The following MED14 variants were observed in gnomAD, a reference collection of about 807,000 sequenced individuals.
MED14 encodes the protein mediator of RNA polymerase II transcription subunit 14.
MED14 carries 8 observed loss-of-function variants against 109.0 expected under a neutral mutation model. The observed-to-expected ratio is 0.07, with a 90% CI of 0.04 to 0.13. The LOEUF (loss-of-function observed/expected upper bound fraction) is 0.13. Among genes scored for constraint, MED14 ranks in the 10% least tolerant of loss-of-function variants. The probability of loss-of-function intolerance (pLI) is 1.00; values close to 1 mark genes in which losing one functional copy is unlikely to be tolerated. For missense variants in MED14, 711 were observed against 1,142.4 expected (o/e 0.62, Z 5.44); for synonymous variants, 399 against 408.7 (o/e 0.98, Z 0.29).
intron 3 of MED14, among the ~76,000 whole-genome samples, chrX:40,721,176 G>A (rs1470076463): frequency 9.0e-6 from 1 of 111,204 alleles, no homozygotes; most frequent in African/African-American, 3.3e-5. Context: ...GTGCGGTAGA[G>A]CACCAAGCAG....
chrX:40,709,850 C>A, intron 9 of MED14, 129 bp downstream of exon 9: 1 of 402,505 alleles, frequency 2.5e-6, no homozygotes, highest in Non-Finnish European at 4.2e-6. Context: ...GTAACATTTA[C>A]TTAAAATAAG....
chrX:40,727,698 G>A (rs1931937460), intron 2 of MED14, among the ~76,000 whole-genome samples: 1 of 111,122 alleles, frequency 9.0e-6, no homozygotes, highest in East Asian at 2.8e-4. Context: ...AACAAGCCAG[G>A]ACCGATGACC....
chrX:40,705,062 C>G (rs1205349260), intron 10 of MED14, among the ~76,000 whole-genome samples: 2 of 111,509 alleles, frequency 1.8e-5, no homozygotes, highest in Non-Finnish European at 3.8e-5. Flanking sequence ...ACATGCAAAT[C>G]CAGCAGAACT....
intron 30 of MED14, among the ~76,000 whole-genome samples, chrX:40,652,976 AG>A (rs1167809491): frequency 9.1e-6 from 1 of 110,307 alleles, no homozygotes; most frequent in African/African-American, 3.3e-5. Context: ...GCCCAGTCCA[AG>A]GGGGGAAAAA....
intron 12 of MED14, among the ~76,000 whole-genome samples, chrX:40,698,033 G>A (rs1038963214): frequency 1.8e-5 from 2 of 111,456 alleles, no homozygotes; most frequent in South Asian, 3.8e-4. Context: ...ACAACTCTAC[G>A]GATCAAATGC....
At position 40,679,909 on chromosome X, in the gene MED14, A is replaced by G; in HGVS notation, c.2835T>C (p.Asp945=). 8.3e-7 allele frequency: 1 copy of G among 1,211,492 alleles called. No homozygotes were observed. The highest frequency in any genetic ancestry group is 1.1e-6 in the Non-Finnish European group (1 of 895,205). The change falls in exon 21 of 31, where the codon GAT becomes GAC. Residue 945 remains aspartate, a synonymous_variant. Transcript: ENST00000324817. ...AGAAACCTTCAACTAGTTTGCTGTT[A>G]TCAAAAAGACTATAGGCACCATCCC... ...AIRDGAYSLF[D]NSKLVEGFYP...
At chrX:40,733,913 G>C (rs774996952) in intron 1 of MED14, among the ~76,000 whole-genome samples, 3 of 111,672 alleles carry the variant, frequency 2.7e-5, no homozygotes, top group Non-Finnish European at 3.8e-5. Flanking sequence ...TCACATAAAG[G>C]GTGTGGGACT....
chrX:40,735,047 A>AC (rs1932204586), intron 1 of MED14, 151 bp downstream of exon 1: 1 of 342,580 alleles, frequency 2.9e-6, no homozygotes, highest in African/African-American at 2.8e-5. Context: ...CTTCTTCTCC[A>AC]CCTCTGCTGA....
chrX:40,721,671 C>T (rs1931722821), intron 3 of MED14, among the ~76,000 whole-genome samples: 1 of 112,189 alleles, frequency 8.9e-6, no homozygotes, highest in Non-Finnish European at 1.9e-5. Context: ...ACCAGTGTAA[C>T]CAGTGGTTAC....
intron 19 of MED14, 31 bp from the exon 20 acceptor site, chrX:40,680,941 C>T (rs1337972721): frequency 1.0e-6 from 1 of 962,316 alleles, no homozygotes; most frequent in Non-Finnish European, 1.4e-6. Context: ...GTTTCAGAAA[C>T]TGAGAAAGTA....
chrX:40,728,294 CAACATGAGT>C (rs1460336532), intron 2 of MED14, among the ~76,000 whole-genome samples: 1 of 111,458 alleles, frequency 9.0e-6, no homozygotes, highest in African/African-American at 3.3e-5. Context: ...AAGTGCTAGG[CAACATGAGT>C]CAGTTTTTCA....
At chrX:40,700,137 A>G (rs944836352) in intron 12 of MED14, among the ~76,000 whole-genome samples, 4 of 109,925 alleles carry the variant, frequency 3.6e-5, no homozygotes, top group African/African-American at 1.3e-4. Flanking sequence ...CAAGAGAGTG[A>G]GACTCTGTCT....
At chrX:40,669,776 A>G (rs924990668) in intron 23 of MED14, among the ~76,000 whole-genome samples, 1 of 111,839 alleles carries the variant, frequency 8.9e-6, no homozygotes, top group Admixed American at 9.4e-5. Flanking sequence ...CACCCTGCAC[A>G]GTCTGCCTGA....
chrX:40,714,557 G>A lies in MED14; in HGVS notation c.502C>T (p.Arg168Trp). 8.3e-7 allele frequency: 1 copy of A among 1,211,143 alleles called. No homozygotes were observed. The highest frequency in any genetic ancestry group is 1.1e-6 in the Non-Finnish European group (1 of 895,256). ...CTTACCCTAATGCAGGTTGGCAGCC[G>A]TGGGTAAGATCCAGTAGTTAGTACA... Reference protein sequence around the residue: ...IDVLTTGSYPRLPTCIRDKII... With the variant: ...IDVLTTGSYPWLPTCIRDKII... The change falls in exon 4 of 31, where the codon CGG (arginine) becomes TGG (tryptophan). Residue 168 changes from arginine (R) to tryptophan (W), a missense_variant. Coordinates refer to ENST00000324817, the MANE Select transcript of MED14 (RefSeq NM_004229.4).
rs1378408028 is a variant in MED14, at chrX:40,692,455, T to C, written c.1846-138A>G. 6 of 532,224 alleles carry C rather than the reference T, an allele frequency of 1.1e-5. No homozygotes were observed. In the East Asian group the frequency reaches 1.5e-4, roughly 13 times the overall value. The allele number at this position is 532,224 out of a possible 1,213,427, so 43.9% of individuals were successfully genotyped here. On this transcript the variant is annotated intron_variant, in intron 14 of 30. Transcript: ENST00000324817. ...AATGTTATTGTATTTACTGAGTAAA[T>C]ACTGACCTAAACACTGGTAATTTAT... is the stretch of plus-strand genomic sequence containing the variant.
At chrX:40,705,994 C>T (rs1194434080) in intron 10 of MED14, among the ~76,000 whole-genome samples, 1 of 111,445 alleles carries the variant, frequency 9.0e-6, no homozygotes, top group African/African-American at 3.3e-5. Context: ...AACCACATGC[C>T]TGAGCTGCTC....
intron 24 of MED14, among the ~76,000 whole-genome samples, chrX:40,665,032 AAAAT>A (rs1402525012): frequency 8.9e-6 from 1 of 112,217 alleles, no homozygotes; most frequent in Non-Finnish European, 1.9e-5. Context: ...TCAAAAATAA[AAAAT>A]AAATAAATTT....
At chrX:40,730,610 A>G (rs1371549413) in intron 1 of MED14, among the ~76,000 whole-genome samples, 1 of 111,414 alleles carries the variant, frequency 9.0e-6, no homozygotes, top group Non-Finnish European at 1.9e-5. Flanking sequence ...TGTCAGCGGT[A>G]GTATCAGTTC....
chrX:40,710,676 C>T (rs1931308334), intron 8 of MED14, among the ~76,000 whole-genome samples: 1 of 102,900 alleles, frequency 9.7e-6, no homozygotes, highest in African/African-American at 3.9e-5. Context: ...TTGGTATAAA[C>T]CCAAAGTAAA....
Sources: gnomAD v4.1 joint callset for allele counts (sites outside exome capture counted in the v4.1 genomes callset) on GRCh38, gnomAD v4.1.1 for gene constraint, MANE v1.5 for transcripts, NCBI Gene and HGNC (gene_info 2026-07-23, HGNC 2026-07-21) for gene names.